Variants in ADAMTS20 observed in about 807,000 individuals in gnomAD.
The protein encoded by ADAMTS20 is A disintegrin and metalloproteinase with thrombospondin motifs 20.
Under a neutral mutation model 260.1 loss-of-function variants are expected in ADAMTS20, and 225 were observed. That is an observed-to-expected ratio of 0.87 (90% confidence interval 0.78 to 0.97). The LOEUF (loss-of-function observed/expected upper bound fraction) is 0.97. Among genes scored for constraint, ADAMTS20 ranks in the 50% least tolerant of loss-of-function variants. The pLI, the probability that ADAMTS20 is intolerant of heterozygous loss-of-function variation, is 0.00. For synonymous variants in ADAMTS20, 802 were observed against 769.5 expected, an observed-to-expected ratio of 1.04 and a Z score of -0.70; for missense variants, 2,400 against 2,337.7, an observed-to-expected ratio of 1.03 and a Z score of -0.55.
At chr12:43,513,139 A>G (rs1345965932) in intron 3 of ADAMTS20, among the ~76,000 whole-genome samples, 3 of 152,314 alleles carry the variant, frequency 2.0e-5, no homozygotes, top group Middle Eastern at 3.4e-3. Flanking sequence ...AACTTGAAGG[A>G]AAAAAGAAGG....
intron 3 of ADAMTS20, among the ~76,000 whole-genome samples, chr12:43,512,758 T>C (rs1034401189): frequency 3.3e-5 from 5 of 152,124 alleles, no homozygotes; most frequent in African/African-American, 4.8e-5. Flanking sequence ...TTTTAAAACA[T>C]AGAGACATGT....
chr12:43,437,117 A>G (rs1014338488), intron 18 of ADAMTS20, among the ~76,000 whole-genome samples: 2 of 152,162 alleles, frequency 1.3e-5, no homozygotes, highest in African/African-American at 4.8e-5. Context: ...AAATAGACCT[A>G]GGAGGAAACA....
At chr12:43,540,116 C>A (rs1485698845) in intron 2 of ADAMTS20, among the ~76,000 whole-genome samples, 1 of 151,924 alleles carries the variant, frequency 6.6e-6, no homozygotes, top group Non-Finnish European at 1.5e-5. Flanking sequence ...TCTCCTGATC[C>A]GCCTCAGCCT....
At chr12:43,539,524 A>C (rs1943345770) in intron 2 of ADAMTS20, among the ~76,000 whole-genome samples, 1 of 152,182 alleles carries the variant, frequency 6.6e-6, no homozygotes, top group African/African-American at 2.4e-5. Flanking sequence ...TCTAGGGCTG[A>C]TACCCTACCA....
chr12:43,367,662 C>G (rs1360534417), intron 37 of ADAMTS20, among the ~76,000 whole-genome samples: 1 of 151,926 alleles, frequency 6.6e-6, no homozygotes, highest in East Asian at 1.9e-4. Flanking sequence ...CACTTTTATT[C>G]AGTATTGTAA....
chr12:43,353,785 A>G (rs1438537031), downstream of ADAMTS20: 1 of 152,454 alleles, frequency 6.6e-6, no homozygotes, highest in Non-Finnish European at 1.5e-5. Context: ...TTGAATGTTT[A>G]TTATCCTAAT....
intron 28 of ADAMTS20, among the ~76,000 whole-genome samples, chr12:43,407,114 C>T (rs1354705971): frequency 6.6e-6 from 1 of 151,878 alleles, no homozygotes; most frequent in Non-Finnish European, 1.5e-5. Flanking sequence ...CTCTAATAAG[C>T]CAAGAAAGCA....
At chr12:43,423,662 T>C in intron 28 of ADAMTS20, 1 of 691,002 alleles carries the variant, frequency 1.4e-6, no homozygotes, top group East Asian at 2.7e-5. Flanking sequence ...AAAGTGGATT[T>C]CCAATCTAAG....
intron 11 of ADAMTS20, among the ~76,000 whole-genome samples, chr12:43,461,046 A>G (rs1476789424): frequency 7.5e-6 from 1 of 133,982 alleles, no homozygotes; most frequent in African/African-American, 2.8e-5. Flanking sequence ...CTAGTAGTGC[A>G]AAGGCGTGAT....
At chr12:43,366,706 A>G (rs1430496877) in intron 37 of ADAMTS20, among the ~76,000 whole-genome samples, 1 of 151,932 alleles carries the variant, frequency 6.6e-6, no homozygotes, top group Non-Finnish European at 1.5e-5. Context: ...TAAATAACCA[A>G]TATACCAAAG....
intron 28 of ADAMTS20, among the ~76,000 whole-genome samples, chr12:43,416,157 C>T (rs907449799): frequency 4.6e-5 from 7 of 152,202 alleles, no homozygotes; most frequent in Non-Finnish European, 8.8e-5. Context: ...CCTACAGACA[C>T]TTGAGTGCTC....
In ADAMTS20 at chr12:43,435,243, A is replaced by G. The variant is rs552002360; in HGVS notation, c.2594-872T>C. On this transcript the variant is annotated intron_variant, in intron 18 of 38. Transcript: ENST00000389420. ...TGTGCCACATTAATGCAAGATGTTA[A>G]TAATAGAGGAGTGTGGAGGAGAATG... 2.0e-4 allele frequency among the ~76,000 whole-genome samples: 30 copies of G among 152,362 alleles called. 1 individual carries two copies. The South Asian group carries it at 6.0e-3, about 30-fold the overall frequency.
intron 28 of ADAMTS20, among the ~76,000 whole-genome samples, chr12:43,401,068 C>A (rs932389435): frequency 1.3e-5 from 2 of 151,824 alleles, no homozygotes; most frequent in African/African-American, 4.8e-5. Flanking sequence ...AACAAAAACA[C>A]TACACGATAC....
intron 29 of ADAMTS20, among the ~76,000 whole-genome samples, chr12:43,393,245 A>G (rs1487774068): frequency 1.3e-5 from 2 of 152,096 alleles, no homozygotes; most frequent in Admixed American, 6.6e-5. Flanking sequence ...TTATAGAACT[A>G]ATATAAGCAT....
intron 36 of ADAMTS20, among the ~76,000 whole-genome samples, chr12:43,374,457 G>A (rs1157534935): frequency 6.6e-6 from 1 of 152,068 alleles, no homozygotes; most frequent in Non-Finnish European, 1.5e-5. Flanking sequence ...CATTTGCCAG[G>A]TGCATATGAA....
rs191330391 is a variant in ADAMTS20, at chr12:43,413,566, C to T, written c.4284+11948G>A. Reference sequence around the variant, plus strand: ...AATTCTTACTATTAATAAGTATCACCTTAAAAGAAATATTTGTCTCAAAAT... The same window carrying T: ...AATTCTTACTATTAATAAGTATCACTTTAAAAGAAATATTTGTCTCAAAAT... On this transcript the variant is annotated intron_variant, in intron 28 of 38. Transcript: ENST00000389420. Among the ~76,000 whole-genome samples the T allele has an allele frequency of 9.4e-3, 1,430 of 152,066 alleles. 9 individuals are homozygous for T. Among genetic ancestry groups the T allele is most frequent in the Non-Finnish European group, 0.015 (1,024 of 67,968 alleles).
In ADAMTS20 at chr12:43,428,337, C is replaced by A; in HGVS notation, c.3849G>T (p.Thr1283=). 1 of 1,613,924 alleles carries A rather than the reference C, an allele frequency of 6.2e-7. No individual in the cohort carries two copies. Among genetic ancestry groups the A allele is most frequent in the South Asian group, 1.1e-5 (1 of 91,082 alleles). Residue 1283 remains threonine, a synonymous_variant, in exon 26 of 39, where the codon ACG becomes ACT. Transcript: ENST00000389420. ...SPVQPSYYLS[T]NLPLTQKLED... ...CAAGTTTTTGAGTTAATGGCAAATT[C>A]GTGCTTAGATAATAGCTTGGCTGCA... is the stretch of plus-strand genomic sequence containing the variant.
Position 43,551,649 on chromosome 12 carries a change from G to T in ADAMTS20, c.91+182C>A, listed in dbSNP as rs1016202671. Reference sequence around the variant, plus strand: ...TGGGAGTGCGATGCGTCTTAGGCGCGCGCGATTCCTCGAAACCCGGCGCAG... The same window carrying T: ...TGGGAGTGCGATGCGTCTTAGGCGCTCGCGATTCCTCGAAACCCGGCGCAG... On this transcript the variant is annotated intron_variant, in intron 1 of 38. Coordinates refer to ENST00000389420, the MANE Select transcript of ADAMTS20 (RefSeq NM_025003.5). The surrounding 1 kb of genome is among the most constrained non-coding windows in gnomAD (Gnocchi z 4.6). Among the ~76,000 whole-genome samples the T allele has an allele frequency of 3.3e-5, 5 of 152,172 alleles. No individual in the cohort carries two copies. The highest frequency in any genetic ancestry group is 1.2e-4 in the African/African-American group (5 of 41,446).
chr12:43,468,543 G>T, intron 8 of ADAMTS20, 57 bp downstream of exon 8: 3 of 1,050,530 alleles, frequency 2.9e-6, no homozygotes, highest in Non-Finnish European at 4.3e-6. Context: ...AGAATTTCAG[G>T]CATTCTGTGC....
Sources: allele counts gnomAD v4.1 joint callset (sites outside exome capture counted in the v4.1 genomes callset), GRCh38; gene constraint gnomAD v4.1.1; non-coding constraint Gnocchi (gnomAD v3.1); transcripts MANE v1.5; gene names NCBI Gene and HGNC (gene_info 2026-07-23, HGNC 2026-07-21).